Variants in CHD3 observed in about 807,000 individuals in gnomAD.
The protein encoded by CHD3 is ATP-dependent chromatin remodeler CHD3.
In CHD3, 52 loss-of-function variants were observed where a neutral mutation model predicts 248.9. That is an observed-to-expected ratio of 0.21 (90% CI 0.17 to 0.26). The LOEUF is 0.26. CHD3 is among the 10% of genes least tolerant of loss of function. The pLI, the probability that CHD3 is intolerant of heterozygous loss-of-function variation, is 1.00. For synonymous variants in CHD3, 985 were observed against 985.2 expected (o/e 1.00, Z 0.00); for missense variants, 1,482 against 2,605.8 (o/e 0.57, Z 9.39).
In CHD3 at chr17:7,895,026, G is replaced by A. The variant is rs1969451569; in HGVS notation, c.1379G>A (p.Arg460His). The A allele has an allele frequency of 5.0e-6, 8 of 1,614,146 alleles. No homozygotes were observed. The highest frequency in any genetic ancestry group is 6.8e-6 in the Non-Finnish European group (8 of 1,180,004). ...GAGGATGATCACATGGAGTACTGCC[G>A]CGTATGCAAGGACGGCGGGGAGCTC... Reference protein sequence around the residue: ...EEEDDHMEYCRVCKDGGELLC... With the variant: ...EEEDDHMEYCHVCKDGGELLC... The change falls in exon 9 of 40, where the codon CGC becomes CAC. Residue 460 changes from arginine (R) to histidine (H), a missense_variant. Physicochemically the swap from Arg to His is conservative, Grantham distance 29. Coordinates refer to ENST00000330494, the MANE Select transcript of CHD3 (RefSeq NM_001005273.3). The surrounding 1 kb of genome is among the most constrained non-coding windows in gnomAD (Gnocchi z 4.9).
chr17:7,888,895 C>T lies in CHD3; in HGVS notation c.-106C>T. 1 of 1,556,372 alleles carries T rather than the reference C, an allele frequency of 6.4e-7. No individual in the cohort carries two copies. The highest frequency in any genetic ancestry group is 1.2e-5 in the South Asian group (1 of 82,054). ...GATCGGGAAACAAAGGGTATGGCCC[C>T]CTAGTTCCCAAAGGGAGCAGGGAGA... On this transcript the variant is annotated 5_prime_UTR_variant, in exon 1 of 40. Transcript: ENST00000330494.
chr17:7,885,538 C>G (rs1170056934), upstream of CHD3, among the ~76,000 whole-genome samples: 3 of 151,314 alleles, frequency 2.0e-5, no homozygotes, highest in Non-Finnish European at 4.4e-5. Context: ...GGCGGCCGGA[C>G]GGCGGCGTGG....
rs927429908 is a variant in CHD3, at chr17:7,897,867, A to G, written c.1920-104A>G. The G allele has an allele frequency of 1.5e-6, 2 of 1,343,650 alleles. No homozygotes were observed. The highest frequency in any genetic ancestry group is 2.0e-6 in the Non-Finnish European group (2 of 981,078). 83.2% of individuals were successfully genotyped at this position (1,343,650 alleles called of 1,614,324 possible). A position where few individuals can be genotyped will look rare whatever the true frequency, so the allele number is the denominator to read the frequency against. ...GCTCACTGTTGACGGTTGGGTGACA[A>G]ATTTTGTGTGTTTGCTGATAATTGC... On this transcript the variant is annotated intron_variant, in intron 11 of 39. Coordinates refer to ENST00000330494, the MANE Select transcript of CHD3 (RefSeq NM_001005273.3). This position sits in a 1 kb window ranked among gnomAD's most constrained non-coding sequence, Gnocchi z 4.8.
At chr17:7,893,639 A>G in intron 5 of CHD3, 70 bp downstream of exon 5, 1 of 1,527,658 alleles carries the variant, frequency 6.5e-7, no homozygotes, top group South Asian at 1.3e-5. Context: ...AGAGTCTGGA[A>G]CTCTCGCCTT....
chr17:7,892,498 T>C lies in CHD3; in HGVS notation c.510-788T>C, dbSNP rs1188962609. 5.1e-3 allele frequency among the ~76,000 whole-genome samples: 246 copies of C among 48,140 alleles called. 1 individual carries two copies. The highest frequency in any genetic ancestry group is 0.021 in the East Asian group (7 of 330). 31.6% of individuals were successfully genotyped at this position (48,140 alleles called of 152,430 possible). A position where few individuals can be genotyped will look rare whatever the true frequency, so the allele number is the denominator to read the frequency against. On this transcript the variant is annotated intron_variant, in intron 4 of 39. Coordinates refer to ENST00000330494, the MANE Select transcript of CHD3 (RefSeq NM_001005273.3). ...TATTTCGCTGTTTTTTATTTCCCCT[T>C]TTTTTTTTTTTTTTTTTGAGATGGA...
In CHD3 at chr17:7,888,838, T is replaced by C. The variant is rs1022776102; in HGVS notation, c.-163T>C. The C allele has an allele frequency of 6.2e-6, 9 of 1,454,024 alleles. No homozygotes were observed. The highest frequency in any genetic ancestry group is 8.1e-6 in the Non-Finnish European group (9 of 1,108,028). The allele number at this position is 1,454,024 out of a possible 1,614,324, so 90.1% of individuals were successfully genotyped here. On this transcript the variant is annotated 5_prime_UTR_variant, in exon 1 of 40. Coordinates refer to ENST00000330494, the MANE Select transcript of CHD3 (RefSeq NM_001005273.3). ...CTGCGTATAGATGAATGGGTCAGGA[T>C]ATCTGGAACAAAATATGGAGGTGAA...
At chr17:7,885,975 C>T (rs1967876301), upstream of CHD3, among the ~76,000 whole-genome samples, 2 of 152,316 alleles carry the variant, frequency 1.3e-5, no homozygotes, top group East Asian at 3.9e-4. Flanking sequence ...CCACCCCCTT[C>T]ATCTCGCCGG....
chr17:7,910,258 TCCATC>T lies in CHD3; in HGVS notation c.5591-169_5591-165del, dbSNP rs1190146852. The T allele has an allele frequency of 4.3e-5, 34 of 795,676 alleles. No homozygotes were observed. Among genetic ancestry groups the T allele is most frequent in the Non-Finnish European group, 6.6e-5 (32 of 487,138 alleles). The allele number at this position is 795,676 out of a possible 1,614,324, so 49.3% of individuals were successfully genotyped here. ...CTTTTCCCCTGAGTTGCTTCTGTTT[TCCATC>T]TACTTCTTTTACTTTCTTGATCTCT... On this transcript the variant is annotated intron_variant, in intron 37 of 39. Coordinates refer to ENST00000330494, the MANE Select transcript of CHD3 (RefSeq NM_001005273.3). This position sits in a 1 kb window ranked among gnomAD's most constrained non-coding sequence, Gnocchi z 4.7.
At position 7,910,994 on chromosome 17, in the gene CHD3, C is replaced by T; in HGVS notation, c.5881+21C>T. 1 of 1,612,368 alleles carries T rather than the reference C, an allele frequency of 6.2e-7. No individual in the cohort carries two copies. The highest frequency in any genetic ancestry group is 8.5e-7 in the Non-Finnish European group (1 of 1,179,458). On this transcript the variant is annotated intron_variant, in intron 39 of 39. Transcript: ENST00000330494. This position sits in a 1 kb window ranked among gnomAD's most constrained non-coding sequence, Gnocchi z 4.7. ...CACAGGTCAGCTGGTGTTTTCCTAC[C>T]CCCTGCTACTCACACTCCTCCTTTG...
rs746209282 is a variant in CHD3, at chr17:7,899,566, C to T, written c.2544+23C>T. 1.3e-5 allele frequency: 21 copies of T among 1,598,258 alleles called. No individual in the cohort carries two copies. In the Admixed American group the frequency reaches 3.3e-4, roughly 25 times the overall value. On this transcript the variant is annotated intron_variant, in intron 15 of 39. Coordinates refer to ENST00000330494, the MANE Select transcript of CHD3 (RefSeq NM_001005273.3). The surrounding 1 kb of genome is among the most constrained non-coding windows in gnomAD (Gnocchi z 6.8). Reference sequence around the variant, plus strand: ...AAGGTAAGACCCTCTACCTCATATCCTCTGAGACCCTCAAAGCTGTCACTT... The same window carrying T: ...AAGGTAAGACCCTCTACCTCATATCTTCTGAGACCCTCAAAGCTGTCACTT...
intron 20 of CHD3, among the ~76,000 whole-genome samples, chr17:7,902,290 C>T (rs957809523): frequency 3.3e-5 from 5 of 151,888 alleles, no homozygotes; most frequent in African/African-American, 4.8e-5. Context: ...GGCGTGGTGG[C>T]GCACACCTGT....
chr17:7,905,886 G>A lies in CHD3; in HGVS notation c.4255G>A (p.Ala1419Thr), dbSNP rs1970866069. The change falls in exon 28 of 40, where the codon GCT becomes ACT. Residue 1419 changes from alanine (A) to threonine (T), a missense_variant. Ala to Thr is a moderately conservative substitution (Grantham distance 58). Around this residue, in one of 20 missense-constraint regions of CHD3, gnomAD observed 156 missense variants for 420.3 expected, o/e 0.37. Transcript: ENST00000330494. The surrounding 1 kb of genome is among the most constrained non-coding windows in gnomAD (Gnocchi z 5.8). The stretch of plus-strand genomic sequence containing the variant: ...GGGCTTCAACACCCGTCAGCGGAAG[G>A]CTTTCCTCAATGCTGTGATGCGCTG... ...VLGFNTRQRK[A>T]FLNAVMRWGM... is the part of the protein sequence containing the mutation. 1 of 1,614,080 alleles carries A rather than the reference G, an allele frequency of 6.2e-7. No homozygotes were observed. The highest frequency in any genetic ancestry group is 1.3e-5 in the African/African-American group (1 of 74,930).
chr17:7,894,051 C>G, intron 6 of CHD3, 64 bp from the exon 7 acceptor site: 1 of 1,396,428 alleles, frequency 7.2e-7, no homozygotes, highest in Non-Finnish European at 9.5e-7. Context: ...GAACAGGAAG[C>G]CAAAGGCCTG....
rs751239875 is a variant in CHD3 at position 7,899,222 on chromosome 17, TGAA to T, written c.2343+22_2343+24del. ...AAGGAGGTGCTGGATTCTAGGACCT[TGAA>T]GGGGACCGCCTGGACTGGGGAAGTG... is the stretch of plus-strand genomic sequence containing the variant. On this transcript the variant is annotated intron_variant, in intron 14 of 39. Transcript: ENST00000330494. The surrounding 1 kb of genome is among the most constrained non-coding windows in gnomAD (Gnocchi z 6.8). 6.2e-7 allele frequency: 1 copy of T among 1,608,754 alleles called. No individual in the cohort carries two copies. Among genetic ancestry groups the T allele is most frequent in the East Asian group, 2.2e-5 (1 of 44,750 alleles).
rs1297281034 is a variant in CHD3, at chr17:7,904,336, T to C, written c.3895-106T>C. 4 of 1,035,122 alleles carry C rather than the reference T, an allele frequency of 3.9e-6. No homozygotes were observed. Among genetic ancestry groups the C allele is most frequent in the African/African-American group, 3.2e-5 (2 of 62,308 alleles). The allele number at this position is 1,035,122 out of a possible 1,614,324, so 64.1% of individuals were successfully genotyped here. Reference sequence around the variant, plus strand: ...ATGCAGAGCCACGAAGCTGCAGGAGTGGGGAGACCGGATTGGGCTGACGCA... The same window carrying C: ...ATGCAGAGCCACGAAGCTGCAGGAGCGGGGAGACCGGATTGGGCTGACGCA... On this transcript the variant is annotated intron_variant, in intron 24 of 39. Coordinates refer to ENST00000330494, the MANE Select transcript of CHD3 (RefSeq NM_001005273.3). This position sits in a 1 kb window ranked among gnomAD's most constrained non-coding sequence, Gnocchi z 4.4.
At position 7,900,164 on chromosome 17, in the gene CHD3, G is replaced by T. The variant is rs1970138938; in HGVS notation, c.2683-126G>T. On this transcript the variant is annotated intron_variant, in intron 16 of 39. Transcript: ENST00000330494. The surrounding 1 kb of genome is among the most constrained non-coding windows in gnomAD (Gnocchi z 6.5). ...ACGTCCAGGTTGGAAGAGGGAGAGG[G>T]CCAGAGATTTGGGGCCTCTGATCCT... is the stretch of plus-strand genomic sequence containing the variant. The T allele has an allele frequency of 8.5e-6, 13 of 1,528,154 alleles. No individual in the cohort carries two copies. Among genetic ancestry groups the T allele is most frequent in the Non-Finnish European group, 9.8e-6 (11 of 1,125,192 alleles). The allele number at this position is 1,528,154 out of a possible 1,614,324, so 94.7% of individuals were successfully genotyped here.
chr17:7,886,947 C>G (rs997186283), upstream of CHD3, among the ~76,000 whole-genome samples: 3 of 152,042 alleles, frequency 2.0e-5, no homozygotes, highest in African/African-American at 4.8e-5. This position sits in a 1 kb window ranked among gnomAD's most constrained non-coding sequence, Gnocchi z 4.2. Context: ...CCAGAAGAGA[C>G]GTCAGAGGCT....
upstream of CHD3, chr17:7,888,768 T>G: frequency 2.2e-6 from 3 of 1,373,690 alleles, no homozygotes; most frequent in Non-Finnish European, 2.8e-6. Flanking sequence ...AGGCATATGC[T>G]GGGTGTGTCT....
Position 7,904,439 on chromosome 17 carries a change from C to T in CHD3, c.3895-3C>T. The T allele has an allele frequency of 5.0e-6, 8 of 1,611,538 alleles. No individual in the cohort carries two copies. The highest frequency in any genetic ancestry group is 6.8e-6 in the Non-Finnish European group (8 of 1,178,168). ...AGTGTTCATTCATTCTGTTGCCCTTCAGATTGAGGAAATTGAGCGAGAGAT... is the reference window on the plus strand; with the variant it reads ...AGTGTTCATTCATTCTGTTGCCCTTTAGATTGAGGAAATTGAGCGAGAGAT... On this transcript the variant is annotated splice_region_variant and splice_polypyrimidine_tract_variant and intron_variant, in intron 24 of 39. Transcript: ENST00000330494. This position sits in a 1 kb window ranked among gnomAD's most constrained non-coding sequence, Gnocchi z 4.4.
Sources: allele counts gnomAD v4.1 joint callset (sites outside exome capture counted in the v4.1 genomes callset), GRCh38; gene constraint gnomAD v4.1.1; regional missense constraint gnomAD v4.1.1; non-coding constraint Gnocchi (gnomAD v3.1); transcripts MANE v1.5; gene names NCBI Gene and HGNC (gene_info 2026-07-23, HGNC 2026-07-21).